Variants in NEGR1 observed in about 807,000 individuals in gnomAD.
NEGR1 encodes the protein IgLON family member 4.
A neutral mutation model predicts 40.9 loss-of-function variants in NEGR1; 10 were observed. That is an observed-to-expected ratio of 0.24 (90% CI 0.15 to 0.42). The LOEUF (loss-of-function observed/expected upper bound fraction) is 0.42. Among genes scored for constraint, NEGR1 ranks in the 10% least tolerant of loss-of-function variants. The pLI is 1.00. For missense variants in NEGR1, 352 were observed against 438.9 expected (o/e 0.80, Z 1.77); for synonymous variants, 185 against 166.8 (o/e 1.11, Z -0.84).
At chr1:71,836,417 A>C (rs1341149550) in intron 2 of NEGR1, among the ~76,000 whole-genome samples, 1 of 150,768 alleles carries the variant, frequency 6.6e-6, no homozygotes, top group African/African-American at 2.4e-5. Context: ...CGAGAGAGCA[A>C]GGCTCTGGCT....
intron 1 of NEGR1, among the ~76,000 whole-genome samples, chr1:72,149,883 A>AAAAAAAAAAAAAAAAAAAAG (rs1651053739): frequency 6.7e-6 from 1 of 148,844 alleles, no homozygotes; most frequent in African/African-American, 2.5e-5. Flanking sequence ...CTCTGTCAAA[A>AAAAAAAAAAAAAAAAAAAAG]AAAAAAAAAA....
intron 6 of NEGR1, among the ~76,000 whole-genome samples, chr1:71,569,298 T>C (rs1648738377): frequency 6.6e-6 from 1 of 151,974 alleles, no homozygotes; most frequent in African/African-American, 2.4e-5. Flanking sequence ...GATAAATGAA[T>C]GAATCACTTC....
Position 72,077,560 on chromosome 1 carries a change from T to G in NEGR1, c.177-142249A>C, listed in dbSNP as rs529922677. Among the ~76,000 whole-genome samples the G allele has an allele frequency of 3.9e-5, 6 of 151,986 alleles. No homozygotes were observed. The South Asian group carries it at 6.2e-4, about 16-fold the overall frequency. On this transcript the variant is annotated intron_variant, in intron 1 of 6. Transcript: ENST00000357731. ...ATCCCAGCACTTCGGGAGGCTGAAG[T>G]TGGGGTATGGCTTGTGCCCAAGAGT...
chr1:72,103,777 C>A lies in NEGR1; in HGVS notation c.177-168466G>T, dbSNP rs554273462. ...CTTCAACAAGCAGAGTCTGATCCAT[C>A]CCTAGTAGGGAAGTGGGGTGTTGAC... On this transcript the variant is annotated intron_variant, in intron 1 of 6. Coordinates refer to ENST00000357731, the MANE Select transcript of NEGR1 (RefSeq NM_173808.3). Among the ~76,000 whole-genome samples, 217 of 152,044 alleles carry A rather than the reference C, an allele frequency of 1.4e-3. 1 individual carries two copies. The highest frequency in any genetic ancestry group is 5.1e-3 in the African/African-American group (210 of 41,496).
chr1:71,839,194 C>G (rs1040186441), intron 2 of NEGR1, among the ~76,000 whole-genome samples: 1 of 131,466 alleles, frequency 7.6e-6, no homozygotes, highest in Non-Finnish European at 1.6e-5. Flanking sequence ...GAAAAGAGAC[C>G]AGACTTTTTT....
intron 2 of NEGR1, among the ~76,000 whole-genome samples, chr1:71,901,217 C>T (rs976015690): frequency 8.2e-4 from 125 of 152,074 alleles, no homozygotes; most frequent in African/African-American, 3.0e-3. Context: ...AGAAACAAAA[C>T]GATCCAAAAA....
chr1:72,065,049 A>C (rs76776231), intron 1 of NEGR1, among the ~76,000 whole-genome samples: 2,276 of 152,166 alleles, frequency 0.015, 51 homozygotes, highest in African/African-American at 0.052. Flanking sequence ...CCAAGAAAAC[A>C]ACTCTTATTT....
chr1:71,563,559 G>C (rs986197999), intron 6 of NEGR1, among the ~76,000 whole-genome samples: 1 of 152,088 alleles, frequency 6.6e-6, no homozygotes, highest in Admixed American at 6.6e-5. Flanking sequence ...ACAAGTAAAT[G>C]GTTGCTAGGC....
chr1:71,600,247 C>T (rs1164271278), intron 5 of NEGR1, among the ~76,000 whole-genome samples: 1 of 152,184 alleles, frequency 6.6e-6, no homozygotes, highest in Non-Finnish European at 1.5e-5. Context: ...AGTCTTCCAA[C>T]AGAGTGTATC....
chr1:71,545,452 G>T (rs1647861850), intron 6 of NEGR1, among the ~76,000 whole-genome samples: 1 of 151,670 alleles, frequency 6.6e-6, no homozygotes, highest in Non-Finnish European at 1.5e-5. Flanking sequence ...GCTGATTTCA[G>T]TGTGTCAATA....
chr1:72,123,624 A>G (rs1649891739), intron 1 of NEGR1, among the ~76,000 whole-genome samples: 1 of 151,926 alleles, frequency 6.6e-6, no homozygotes, highest in African/African-American at 2.4e-5. Context: ...TAGACAATAG[A>G]AAAGCTCTGT....
At position 71,942,455 on chromosome 1, in the gene NEGR1, C is replaced by CTATATATATATCTATATA. The variant is rs1645968758; in HGVS notation, c.177-7145_177-7144insTATATAGATATATATATA. 1.4e-4 allele frequency among the ~76,000 whole-genome samples: 3 copies of CTATATATATATCTATATA among 21,298 alleles called. 1 individual carries two copies. Among genetic ancestry groups the CTATATATATATCTATATA allele is most frequent in the Non-Finnish European group, 2.4e-4 (3 of 12,322 alleles). 14.0% of individuals were successfully genotyped at this position (21,298 alleles called of 152,430 possible). ...ATGCACAACTTAAAATTCTTTAAATCTATATATATATATATATATATATAT... is the reference window on the plus strand; with the variant it reads ...ATGCACAACTTAAAATTCTTTAAATCTATATATATATCTATATATATATATATATATATATATATATAT... On this transcript the variant is annotated intron_variant, in intron 1 of 6. Coordinates refer to ENST00000357731, the MANE Select transcript of NEGR1 (RefSeq NM_173808.3).
intron 6 of NEGR1, among the ~76,000 whole-genome samples, chr1:71,558,900 A>G (rs555987386): frequency 6.6e-6 from 1 of 150,470 alleles, no homozygotes; most frequent in South Asian, 2.1e-4. Context: ...ACTAGTCACT[A>G]CTGGGGTGTC....
intron 2 of NEGR1, among the ~76,000 whole-genome samples, chr1:71,920,914 C>T (rs1440181240): frequency 6.6e-6 from 1 of 152,116 alleles, no homozygotes; most frequent in Non-Finnish European, 1.5e-5. Flanking sequence ...ATGAAAGACT[C>T]CTATTTTCAC....
intron 2 of NEGR1, among the ~76,000 whole-genome samples, chr1:71,895,366 C>T (rs966903453): frequency 6.6e-6 from 1 of 152,106 alleles, no homozygotes; most frequent in Admixed American, 6.5e-5. Context: ...GTGCACAATT[C>T]AAAAGTTTTT....
intron 6 of NEGR1, among the ~76,000 whole-genome samples, chr1:71,513,577 A>G (rs1647092424): frequency 6.6e-6 from 1 of 152,248 alleles, no homozygotes; most frequent in African/African-American, 2.4e-5. Flanking sequence ...TGAAGTACAT[A>G]GAATTTGTAG....
At chr1:71,912,129 A>G (rs756117446) in intron 2 of NEGR1, among the ~76,000 whole-genome samples, 1 of 152,174 alleles carries the variant, frequency 6.6e-6, no homozygotes, top group Non-Finnish European at 1.5e-5. Flanking sequence ...GCAATTATGT[A>G]TGTTAAAAGT....
At chr1:71,714,975 C>A (rs937733545) in intron 3 of NEGR1, among the ~76,000 whole-genome samples, 1 of 152,216 alleles carries the variant, frequency 6.6e-6, no homozygotes, top group African/African-American at 2.4e-5. Context: ...TTCTGCACTG[C>A]CCTAGCAGAG....
At chr1:72,110,221 T>TAA (rs57618301) in intron 1 of NEGR1, among the ~76,000 whole-genome samples, 17,600 of 106,476 alleles carry the variant, frequency 0.17, 829 homozygotes, top group South Asian at 0.21. Context: ...TAGAGTATAA[T>TAA]AAAAAAAAAA....
Sources: gnomAD v4.1 joint callset for allele counts (sites outside exome capture counted in the v4.1 genomes callset) on GRCh38, gnomAD v4.1.1 for gene constraint, MANE v1.5 for transcripts, NCBI Gene and HGNC (gene_info 2026-07-23, HGNC 2026-07-21) for gene names.